The following DLG2 variants were observed in gnomAD, a reference collection of about 807,000 sequenced individuals.
DLG2 encodes disks large homolog 2.
Under a neutral mutation model 132.5 loss-of-function variants are expected in DLG2, and 45 were observed. The ratio of observed to expected loss-of-function variants is 0.34; its 90% CI spans 0.27 to 0.44. The LOEUF is 0.44. Among genes scored for constraint, DLG2 ranks in the 20% least tolerant of loss-of-function variants. DLG2 has a pLI of 1.00. For synonymous variants in DLG2, 424 were observed against 419.6 expected (o/e 1.01, Z -0.13); for missense variants, 1,045 against 1,196.9 (o/e 0.87, Z 1.87).
At chr11:84,884,161 G>A (rs1336455857) in intron 6 of DLG2, among the ~76,000 whole-genome samples, 3 of 152,030 alleles carry the variant, frequency 2.0e-5, no homozygotes, top group East Asian at 1.9e-4. Context: ...CTTTCCGAGG[G>A]TGATTTCTAT....
chr11:85,199,790 A>T (rs963589805), intron 4 of DLG2, among the ~76,000 whole-genome samples: 1 of 152,198 alleles, frequency 6.6e-6, no homozygotes, highest in African/African-American at 2.4e-5. Context: ...ACAGTGAGCC[A>T]CAAATAGATT....
chr11:83,528,336 T>A (rs531463874), intron 21 of DLG2, among the ~76,000 whole-genome samples: 4 of 152,316 alleles, frequency 2.6e-5, no homozygotes, highest in African/African-American at 7.2e-5. Flanking sequence ...TCTAACCTGA[T>A]AGCCAGGCCT....
intron 7 of DLG2, among the ~76,000 whole-genome samples, chr11:84,344,562 T>C (rs1382668284): frequency 6.6e-6 from 1 of 152,162 alleles, no homozygotes; most frequent in Non-Finnish European, 1.5e-5. Context: ...CAACCAGACA[T>C]TGAGAAACTT....
intron 7 of DLG2, among the ~76,000 whole-genome samples, chr11:84,367,182 A>G (rs770029086): frequency 2.0e-4 from 31 of 152,188 alleles, no homozygotes; most frequent in Non-Finnish European, 1.2e-4. Context: ...GCTCAACTAC[A>G]TGGAAACTAA....
At chr11:85,475,535 A>G (rs934769630) in intron 3 of DLG2, among the ~76,000 whole-genome samples, 9 of 152,108 alleles carry the variant, frequency 5.9e-5, no homozygotes, top group African/African-American at 1.9e-4. Context: ...CTTTGCTAAT[A>G]TAAACTCTAT....
intron 18 of DLG2, among the ~76,000 whole-genome samples, chr11:83,637,950 G>A (rs141221215): frequency 6.6e-6 from 1 of 152,226 alleles, no homozygotes; most frequent in African/African-American, 2.4e-5. Context: ...ATCATGCCGA[G>A]GTATAAAACA....
intron 21 of DLG2, among the ~76,000 whole-genome samples, chr11:83,502,659 C>A (rs577237952): frequency 6.6e-6 from 1 of 152,196 alleles, no homozygotes; most frequent in East Asian, 1.9e-4. Flanking sequence ...CTCCTCTCCT[C>A]TTCTGGTAAT....
At chr11:83,505,973 TTCA>T (rs2094678170) in intron 21 of DLG2, among the ~76,000 whole-genome samples, 1 of 152,182 alleles carries the variant, frequency 6.6e-6, no homozygotes, top group South Asian at 2.1e-4. Context: ...TTTGAGCCAC[TTCA>T]TCATGTAACT....
chr11:85,476,426 A>G (rs540901138), intron 3 of DLG2, among the ~76,000 whole-genome samples: 1 of 152,176 alleles, frequency 6.6e-6, no homozygotes, highest in Admixed American at 6.5e-5. Context: ...CATTAAATTT[A>G]TTTTATTTTA....
intron 14 of DLG2, among the ~76,000 whole-genome samples, chr11:83,938,385 AAG>A (rs139358317): frequency 0.025 from 3,828 of 152,182 alleles, 154 homozygotes; most frequent in African/African-American, 0.086. Context: ...AAAAGGGAGA[AAG>A]AGAGTGAAAG....
chr11:83,980,875 A>G (rs756093583), intron 11 of DLG2, among the ~76,000 whole-genome samples: 11 of 152,180 alleles, frequency 7.2e-5, no homozygotes, highest in Non-Finnish European at 1.0e-4. Context: ...GTTTTGTTCT[A>G]TTTCCAGACT....
chr11:85,084,956 G>A (rs1330774911), intron 6 of DLG2, among the ~76,000 whole-genome samples: 19 of 152,110 alleles, frequency 1.2e-4, no homozygotes, highest in Non-Finnish European at 1.2e-4. Context: ...AGCTTGAGTT[G>A]CTGAAATAAC....
At chr11:84,986,614 T>G (rs2056521925) in intron 6 of DLG2, among the ~76,000 whole-genome samples, 1 of 151,832 alleles carries the variant, frequency 6.6e-6, no homozygotes, top group Non-Finnish European at 1.5e-5. Flanking sequence ...CCAGGGATGG[T>G]TACGTCCAAT....
chr11:84,660,043 G>A (rs780026003), intron 6 of DLG2, among the ~76,000 whole-genome samples: 13 of 152,034 alleles, frequency 8.6e-5, no homozygotes, highest in Admixed American at 2.0e-4. Context: ...GCTCACTTGA[G>A]CCTTAGTGCT....
intron 6 of DLG2, among the ~76,000 whole-genome samples, chr11:84,937,384 CAAAAA>C (rs35813381): frequency 7.6e-6 from 1 of 132,450 alleles, no homozygotes; most frequent in African/African-American, 2.7e-5. Context: ...CATACCAGAC[CAAAAA>C]AAAAAAAAAA....
intron 19 of DLG2, among the ~76,000 whole-genome samples, chr11:83,621,202 TTTA>T (rs1176990792): frequency 6.6e-6 from 1 of 152,170 alleles, no homozygotes; most frequent in African/African-American, 2.4e-5. Flanking sequence ...TGCCTTTTTG[TTTA>T]TTATTTTTAG....
chr11:84,966,183 C>T (rs1487653456), intron 6 of DLG2, among the ~76,000 whole-genome samples: 1 of 151,926 alleles, frequency 6.6e-6, no homozygotes, highest in Admixed American at 6.6e-5. Flanking sequence ...ATCTATCTAT[C>T]TATCTACCAT....
chr11:83,688,672 T>C (rs1465040195), intron 18 of DLG2, among the ~76,000 whole-genome samples: 1 of 152,198 alleles, frequency 6.6e-6, no homozygotes, highest in African/African-American at 2.4e-5. Flanking sequence ...AATTAATATA[T>C]ATTGATGTCA....
chr11:83,551,557 A>G (rs1008910811), intron 19 of DLG2, among the ~76,000 whole-genome samples: 2 of 152,190 alleles, frequency 1.3e-5, no homozygotes, highest in Non-Finnish European at 1.5e-5. Flanking sequence ...CAGTTGGGCA[A>G]TCACTTTGCC....
Sources: gnomAD v4.1 joint callset for allele counts (sites outside exome capture counted in the v4.1 genomes callset) on GRCh38, gnomAD v4.1.1 for gene constraint, MANE v1.5 for transcripts, NCBI Gene and HGNC (gene_info 2026-07-23, HGNC 2026-07-21) for gene names.